The following TOPAZ1 variants were observed in gnomAD, a reference collection of about 807,000 sequenced individuals.
The protein encoded by TOPAZ1 is protein TOPAZ1.
A neutral mutation model predicts 172.2 loss-of-function variants in TOPAZ1; 66 were observed. The observed-to-expected ratio is 0.38, with a 90% CI of 0.31 to 0.47. TOPAZ1 has a LOEUF of 0.47. Ranked by LOEUF, TOPAZ1 falls within the 20% of genes least tolerant of loss-of-function variation. The pLI is 0.99. For missense variants in TOPAZ1, 1,822 were observed against 1,972.4 expected (o/e 0.92, Z 1.44); for synonymous variants, 681 against 683.9 (o/e 1.00, Z 0.07).
intron 6 of TOPAZ1, 30 bp from the exon 7 acceptor site, chr3:44,269,186 G>T: frequency 8.6e-7 from 1 of 1,160,728 alleles, no homozygotes; most frequent in Non-Finnish European, 1.3e-6. Flanking sequence ...TAACATATTG[G>T]TGTGTAATGC....
At chr3:44,323,037 G>A in intron 17 of TOPAZ1, 55 bp from the exon 18 acceptor site, 2 of 1,245,972 alleles carry the variant, frequency 1.6e-6, no homozygotes, top group Non-Finnish European at 2.2e-6. Context: ...ATGAGATGGA[G>A]GTTTGAGACA....
intron 2 of TOPAZ1, among the ~76,000 whole-genome samples, chr3:44,245,730 G>A (rs1021548286): frequency 6.4e-4 from 98 of 152,002 alleles, no homozygotes; most frequent in Non-Finnish European, 1.0e-3. Flanking sequence ...TAGTAGACAC[G>A]GGGTTTCACT....
At chr3:44,286,818 T>A (rs1425169015) in intron 9 of TOPAZ1, among the ~76,000 whole-genome samples, 2 of 152,116 alleles carry the variant, frequency 1.3e-5, no homozygotes, top group South Asian at 2.1e-4. Flanking sequence ...ACATAGAAAA[T>A]TAAGGATTTG....
intron 6 of TOPAZ1, among the ~76,000 whole-genome samples, chr3:44,267,351 T>C (rs911493100): frequency 1.4e-5 from 2 of 146,138 alleles, no homozygotes; most frequent in Admixed American, 7.1e-5. Flanking sequence ...TGGAGTGCAG[T>C]GGCACGATCT....
At chr3:44,322,240 A>T (rs1700545790) in intron 17 of TOPAZ1, among the ~76,000 whole-genome samples, 1 of 152,340 alleles carries the variant, frequency 6.6e-6, no homozygotes, top group East Asian at 1.9e-4. Context: ...AGAAGTCTCT[A>T]AGATGACTTC....
intron 16 of TOPAZ1, among the ~76,000 whole-genome samples, chr3:44,314,963 C>G (rs1700435327): frequency 6.6e-6 from 1 of 152,178 alleles, no homozygotes; most frequent in Admixed American, 6.5e-5. Context: ...ACCATACCCC[C>G]TCAAGTCGCT....
At chr3:44,260,273 G>T (rs1015281557) in intron 4 of TOPAZ1, among the ~76,000 whole-genome samples, 8 of 152,090 alleles carry the variant, frequency 5.3e-5, no homozygotes, top group Non-Finnish European at 1.0e-4. Flanking sequence ...TTCTGGATTT[G>T]ATCTTTTTTA....
chr3:44,276,867 T>A (rs1346155517), intron 8 of TOPAZ1, among the ~76,000 whole-genome samples: 3 of 151,892 alleles, frequency 2.0e-5, no homozygotes, highest in African/African-American at 7.3e-5. Flanking sequence ...CTCGGCTCAC[T>A]GCACCCTCCG....
In TOPAZ1 at chr3:44,243,412, A is replaced by G. The variant is rs985217266; in HGVS notation, c.906A>G (p.Gln302=). The G allele has an allele frequency of 3.9e-6, 6 of 1,551,546 alleles. No individual in the cohort carries two copies. Among genetic ancestry groups the G allele is most frequent in the Non-Finnish European group, 5.2e-6 (6 of 1,146,898 alleles). Reference sequence around the variant, plus strand: ...TACCAGAAGAGAGTGATTTATACCAAAGTAAAACCAATGGCTTGCTTTCCT... The same window carrying G: ...TACCAGAAGAGAGTGATTTATACCAGAGTAAAACCAATGGCTTGCTTTCCT... ...KLLPEESDLY[Q]SKTNGLLSCL... Residue 302 remains glutamine (Q), a synonymous_variant, in exon 2 of 20, where the codon CAA becomes CAG. Transcript: ENST00000309765.
intron 16 of TOPAZ1, among the ~76,000 whole-genome samples, chr3:44,320,555 G>A (rs531318865): frequency 7.9e-5 from 12 of 152,194 alleles, no homozygotes; most frequent in African/African-American, 1.2e-4. Flanking sequence ...CCAAGATTGC[G>A]CCACTGCACT....
At chr3:44,270,883 T>C in intron 8 of TOPAZ1, 73 bp downstream of exon 8, 1 of 1,367,538 alleles carries the variant, frequency 7.3e-7, no homozygotes, top group Non-Finnish European at 9.8e-7. Flanking sequence ...AATTTAGATT[T>C]TCATTGACTC....
At chr3:44,324,734 G>A (rs1413942173) in intron 18 of TOPAZ1, among the ~76,000 whole-genome samples, 2 of 152,094 alleles carry the variant, frequency 1.3e-5, no homozygotes, top group Non-Finnish European at 2.9e-5. Context: ...ACAGAGTTGT[G>A]TAACCATCAC....
intron 5 of TOPAZ1, among the ~76,000 whole-genome samples, chr3:44,262,755 C>T (rs1449104893): frequency 6.6e-6 from 1 of 152,200 alleles, no homozygotes. Context: ...GTATGTTTGA[C>T]TTTTATGAAG....
chr3:44,274,239 A>G (rs914904660), intron 8 of TOPAZ1, among the ~76,000 whole-genome samples: 1 of 150,796 alleles, frequency 6.6e-6, no homozygotes, highest in Non-Finnish European at 1.5e-5. Context: ...GTGAAACCCC[A>G]TCTCTACTAA....
chr3:44,293,202 T>G (rs1700159277), intron 12 of TOPAZ1, among the ~76,000 whole-genome samples: 2 of 152,250 alleles, frequency 1.3e-5, no homozygotes, highest in South Asian at 2.1e-4. Context: ...CATACAACTA[T>G]GTACAGTACA....
chr3:44,251,019 A>G (rs1699623730), intron 2 of TOPAZ1, among the ~76,000 whole-genome samples: 1 of 152,228 alleles, frequency 6.6e-6, no homozygotes, highest in Non-Finnish European at 1.5e-5. Flanking sequence ...AATTTGTAGC[A>G]GTCCTATCCA....
chr3:44,242,420 A>G, intron 1 of TOPAZ1, 21 bp downstream of exon 1: 1 of 1,550,380 alleles, frequency 6.5e-7, no homozygotes. Context: ...ATCCACGATC[A>G]CTTACCTTTA....
chr3:44,245,818 C>T lies in TOPAZ1; in HGVS notation c.2765+547C>T, dbSNP rs370660901. On this transcript the variant is annotated intron_variant, in intron 2 of 19. Transcript: ENST00000309765. ...CCTCCCAAAGTGCTGGGATTACAGG[C>T]GTGAGCCACCGCACCCAGCCCATAG... Among the ~76,000 whole-genome samples, 39 of 152,110 alleles carry T rather than the reference C, an allele frequency of 2.6e-4. No homozygotes were observed. In the South Asian group the frequency reaches 3.7e-3, roughly 15 times the overall value.
At chr3:44,307,035 T>C (rs1378100231) in intron 15 of TOPAZ1, among the ~76,000 whole-genome samples, 7 of 152,004 alleles carry the variant, frequency 4.6e-5, no homozygotes, top group Non-Finnish European at 1.0e-4. Context: ...TGTTTGTTTG[T>C]TTTTGTGATG....
Sources: allele counts gnomAD v4.1 joint callset (sites outside exome capture counted in the v4.1 genomes callset), GRCh38; gene constraint gnomAD v4.1.1; transcripts MANE v1.5; gene names NCBI Gene and HGNC (gene_info 2026-07-23, HGNC 2026-07-21).